The following PIK3CA variants were observed in gnomAD, a reference collection of about 807,000 sequenced individuals.
PIK3CA encodes the protein phosphatidylinositol 4,5-bisphosphate 3-kinase catalytic subunit alpha isoform.
A neutral mutation model predicts 138.2 loss-of-function variants in PIK3CA; 27 were observed. That is an observed-to-expected ratio of 0.20 (90% confidence interval 0.14 to 0.27). PIK3CA has a LOEUF of 0.27. Among genes scored for constraint, PIK3CA ranks in the 10% least tolerant of loss-of-function variants. The probability of loss-of-function intolerance (pLI) is 1.00; values close to 1 mark genes in which losing one functional copy is unlikely to be tolerated. For synonymous variants in PIK3CA, 358 were observed against 413.2 expected (o/e 0.87, Z 1.62); for missense variants, 544 against 1,277.4 (o/e 0.43, Z 8.75).
At chr3:179,182,058 TA>T (rs1723859536) in intron 1 of PIK3CA, among the ~76,000 whole-genome samples, 1 of 152,226 alleles carries the variant, frequency 6.6e-6, no homozygotes, top group Non-Finnish European at 1.5e-5. Flanking sequence ...TTTCCTGAAT[TA>T]CCTCTTTACT....
At chr3:179,217,318 T>G (rs1358358178) in intron 9 of PIK3CA, among the ~76,000 whole-genome samples, 1 of 152,170 alleles carries the variant, frequency 6.6e-6, no homozygotes, top group African/African-American at 2.4e-5. Flanking sequence ...GATTTCCCAC[T>G]ATAACAGAGG....
intron 6 of PIK3CA, among the ~76,000 whole-genome samples, chr3:179,206,640 C>T (rs1414222725): frequency 2.0e-5 from 3 of 152,104 alleles, no homozygotes; most frequent in East Asian, 1.9e-4. Flanking sequence ...AAAGGCTGGG[C>T]GTGGTGGCTC....
chr3:179,212,660 C>G (rs896491369), intron 9 of PIK3CA, among the ~76,000 whole-genome samples: 2 of 151,398 alleles, frequency 1.3e-5, no homozygotes, highest in Non-Finnish European at 2.9e-5. Context: ...GGGCTGGTCT[C>G]GAACTCCTGA....
chr3:179,235,344 C>A lies in PIK3CA; in HGVS notation c.*980C>A, dbSNP rs1352904307. 1 of 178,606 alleles carries A rather than the reference C, an allele frequency of 5.6e-6. No individual in the cohort carries two copies. The highest frequency in any genetic ancestry group is 2.4e-5 in the African/African-American group (1 of 42,154). The allele number at this position is 178,606 out of a possible 1,614,324, so 11.1% of individuals were successfully genotyped here. A position where few individuals can be genotyped will look rare whatever the true frequency, so the allele number is the denominator to read the frequency against. ...ATAGAAACTATCATTAATATATATT[C>A]TTTATTTACATGATCTGTCCCATAG... On this transcript the variant is annotated 3_prime_UTR_variant, in exon 21 of 21. Transcript: ENST00000263967.
intron 1 of PIK3CA, among the ~76,000 whole-genome samples, chr3:179,169,532 C>T (rs1188954409): frequency 3.3e-5 from 5 of 151,996 alleles, no homozygotes; most frequent in African/African-American, 9.7e-5. Context: ...TTTCAGTTCA[C>T]GTGACTAATC....
chr3:179,175,566 TTC>T (rs1450073332), intron 1 of PIK3CA, among the ~76,000 whole-genome samples: 2 of 152,180 alleles, frequency 1.3e-5, no homozygotes, highest in Non-Finnish European at 2.9e-5. Context: ...GTTTTCATTA[TTC>T]TCTCTGGAAC....
intron 1 of PIK3CA, among the ~76,000 whole-genome samples, chr3:179,172,133 T>A (rs2108363072): frequency 6.6e-6 from 1 of 152,002 alleles, no homozygotes; most frequent in South Asian, 2.1e-4. Flanking sequence ...TAAGATATAT[T>A]TGAAAAAAAA....
chr3:179,156,409 C>T (rs954981898), intron 1 of PIK3CA, among the ~76,000 whole-genome samples: 17 of 152,162 alleles, frequency 1.1e-4, no homozygotes, highest in Admixed American at 5.9e-4. Flanking sequence ...TTAATAGCCA[C>T]TGGCCATCAT....
Position 179,199,695 on chromosome 3 carries a change from G to T in PIK3CA, c.358G>T (p.Ala120Ser), listed in dbSNP as rs2108387112. ...EKILNREIGF[A>S]IGMPVCEFDM... ...TTTATGTAATTTTATTAAAGGTTTTGCTATCGGCATGCCAGTGTGTGAATT... is the reference window on the plus strand; with the variant it reads ...TTTATGTAATTTTATTAAAGGTTTTTCTATCGGCATGCCAGTGTGTGAATT... Residue 120 changes from alanine to serine, a missense_variant, in exon 3 of 21, where the codon GCT (alanine) becomes TCT (serine). Ala to Ser is a moderately conservative substitution (Grantham distance 99). Coordinates refer to ENST00000263967, the MANE Select transcript of PIK3CA (RefSeq NM_006218.4). 2 of 1,602,922 alleles carry T rather than the reference G, an allele frequency of 1.2e-6. No homozygotes were observed. The highest frequency in any genetic ancestry group is 1.7e-6 in the Non-Finnish European group (2 of 1,170,246).
chr3:179,179,673 T>A (rs1450055507), intron 1 of PIK3CA, among the ~76,000 whole-genome samples: 1 of 152,146 alleles, frequency 6.6e-6, no homozygotes, highest in African/African-American at 2.4e-5. Flanking sequence ...ATTTGAAAAA[T>A]TAACTACTGA....
rs1452772409 is a variant in PIK3CA at position 179,219,101 on chromosome 3, G to A, written c.1665-95G>A. The stretch of plus-strand genomic sequence containing the variant: ...AAAGCTAGTAATGTAAGAAGTTTGG[G>A]ACTTCTTAAGAAGATTCATATGGAG... On this transcript the variant is annotated intron_variant, in intron 10 of 20. Transcript: ENST00000263967. The surrounding 1 kb of genome is among the most constrained non-coding windows in gnomAD (Gnocchi z 4.2). 1.2e-5 allele frequency: 8 copies of A among 667,544 alleles called. No homozygotes were observed. Among genetic ancestry groups the A allele is most frequent in the Non-Finnish European group, 1.8e-5 (7 of 379,396 alleles). 41.4% of individuals were successfully genotyped at this position (667,544 alleles called of 1,614,324 possible).
chr3:179,202,540 A>G (rs929472169), intron 4 of PIK3CA, among the ~76,000 whole-genome samples: 12 of 152,214 alleles, frequency 7.9e-5, no homozygotes, highest in Non-Finnish European at 1.8e-4. Flanking sequence ...TGCCAAGCAT[A>G]TGTCGAGTAC....
At chr3:179,161,568 C>T (rs375241825) in intron 1 of PIK3CA, among the ~76,000 whole-genome samples, 3 of 152,080 alleles carry the variant, frequency 2.0e-5, no homozygotes, top group South Asian at 4.1e-4. Flanking sequence ...CGTGGTGGCG[C>T]GTGCCTGTAA....
upstream of PIK3CA, chr3:179,148,240 A>T (rs1319385585): frequency 1.3e-5 from 2 of 151,380 alleles, no homozygotes; most frequent in Non-Finnish European, 2.9e-5. Flanking sequence ...AAAGAGACCA[A>T]TAAAGTTTAT....
At chr3:179,153,950 A>C (rs1335713580) in intron 1 of PIK3CA, among the ~76,000 whole-genome samples, 1 of 152,226 alleles carries the variant, frequency 6.6e-6, no homozygotes, top group Non-Finnish European at 1.5e-5. Context: ...TATTGGATAT[A>C]CTAATATTTT....
At chr3:179,174,517 C>G (rs796438631) in intron 1 of PIK3CA, among the ~76,000 whole-genome samples, 43 of 152,224 alleles carry the variant, frequency 2.8e-4, no homozygotes, top group African/African-American at 1.0e-3. Flanking sequence ...CACTTCCCCC[C>G]CATTCCCTCT....
intron 20 of PIK3CA, among the ~76,000 whole-genome samples, chr3:179,231,093 T>C (rs77776391): frequency 0.05 from 7,668 of 152,266 alleles, 254 homozygotes; most frequent in Middle Eastern, 0.19. Context: ...GGTTTTCCAT[T>C]CCTGGCCTCC....
chr3:179,180,968 G>A lies in PIK3CA; in HGVS notation c.-76-17782G>A, dbSNP rs181327799. 8.5e-5 allele frequency among the ~76,000 whole-genome samples: 13 copies of A among 152,120 alleles called. No homozygotes were observed. In the East Asian group the frequency reaches 2.5e-3, roughly 29 times the overall value. ...TCTCTGTGTATTAATGCATGATTTT[G>A]TCATAAATACCCCACTAGGAAGAGA... On this transcript the variant is annotated intron_variant, in intron 1 of 20. Coordinates refer to ENST00000263967, the MANE Select transcript of PIK3CA (RefSeq NM_006218.4).
At chr3:179,182,817 A>C (rs1490256898) in intron 1 of PIK3CA, among the ~76,000 whole-genome samples, 2 of 152,238 alleles carry the variant, frequency 1.3e-5, no homozygotes, top group Non-Finnish European at 2.9e-5. Context: ...TGAACTGTAC[A>C]TAAGTATAAA....
Sources: gnomAD v4.1 joint callset for allele counts (sites outside exome capture counted in the v4.1 genomes callset) on GRCh38, gnomAD v4.1.1 for gene constraint, Gnocchi (gnomAD v3.1) non-coding constraint, MANE v1.5 for transcripts, NCBI Gene and HGNC (gene_info 2026-07-23, HGNC 2026-07-21) for gene names.